The following PIBF1 variants were observed in gnomAD, a reference collection of about 807,000 sequenced individuals.
PIBF1 encodes the protein progesterone-induced-blocking factor 1.
A neutral mutation model predicts 112.5 loss-of-function variants in PIBF1; 90 were observed. The ratio of observed to expected loss-of-function variants is 0.80; its 90% CI spans 0.67 to 0.95. The LOEUF (loss-of-function observed/expected upper bound fraction) is 0.95, where lower values mean the gene tolerates loss of function less well. PIBF1 is among the 40% of genes least tolerant of loss of function. PIBF1 has a pLI of 0.00. For missense variants in PIBF1, 915 were observed against 852.3 expected (o/e 1.07, Z -0.92); for synonymous variants, 301 against 288.6 (o/e 1.04, Z -0.44).
intron 9 of PIBF1, among the ~76,000 whole-genome samples, chr13:72,847,971 G>T (rs1294634710): frequency 1.3e-5 from 2 of 152,160 alleles, no homozygotes; most frequent in Middle Eastern, 3.2e-3. Flanking sequence ...ATATAAAACA[G>T]CCTATTTTAA....
intron 5 of PIBF1, among the ~76,000 whole-genome samples, chr13:72,803,682 G>A (rs2035593824): frequency 6.6e-6 from 1 of 152,098 alleles, no homozygotes; most frequent in African/African-American, 2.4e-5. Flanking sequence ...AAAAAGTTGA[G>A]TTTCGATTTA....
chr13:72,961,254 A>G (rs2042597614), intron 14 of PIBF1, among the ~76,000 whole-genome samples: 1 of 151,982 alleles, frequency 6.6e-6, no homozygotes, highest in Non-Finnish European at 1.5e-5. Context: ...CAATGTTCTC[A>G]TTACTATCCT....
At chr13:72,931,718 G>GTATATATA (rs3077704) in intron 14 of PIBF1, among the ~76,000 whole-genome samples, 5,357 of 101,796 alleles carry the variant, frequency 0.053, 356 homozygotes, top group South Asian at 0.14. Context: ...TTTAAACTAC[G>GTATATATA]TATATATATA....
chr13:72,991,749 C>T (rs1345969403), intron 16 of PIBF1, among the ~76,000 whole-genome samples: 2 of 150,492 alleles, frequency 1.3e-5, no homozygotes, highest in Non-Finnish European at 3.0e-5. Flanking sequence ...GATGGAGTCT[C>T]GCTCTGTCGC....
At chr13:73,015,721 C>T (rs187646869) in intron 17 of PIBF1, 148 bp from the exon 18 acceptor site, 4 of 344,784 alleles carry the variant, frequency 1.2e-5, no homozygotes, top group African/African-American at 2.1e-5. Flanking sequence ...ACAAAGTCTT[C>T]GCCCTTAAGT....
intron 9 of PIBF1, among the ~76,000 whole-genome samples, chr13:72,845,836 C>T (rs957940404): frequency 8.6e-5 from 13 of 152,032 alleles, no homozygotes; most frequent in African/African-American, 2.9e-4. Flanking sequence ...ACTATCAAGC[C>T]TTTGGCACCC....
At chr13:72,883,951 C>G (rs2039744666) in intron 10 of PIBF1, among the ~76,000 whole-genome samples, 1 of 152,070 alleles carries the variant, frequency 6.6e-6, no homozygotes, top group South Asian at 2.1e-4. Context: ...CACATACATA[C>G]ATACATGCAT....
At chr13:72,993,745 C>CAAAA (rs34464067) in intron 16 of PIBF1, among the ~76,000 whole-genome samples, 1 of 98,870 alleles carries the variant, frequency 1.0e-5, no homozygotes, top group Admixed American at 1.2e-4. Flanking sequence ...GACTCCATTT[C>CAAAA]AAAAAAAAAA....
chr13:72,856,081 A>G (rs998863583), intron 10 of PIBF1, among the ~76,000 whole-genome samples: 4 of 152,106 alleles, frequency 2.6e-5, no homozygotes, highest in African/African-American at 9.7e-5. Context: ...TTCTTATCCT[A>G]CTTGTATGTA....
intron 5 of PIBF1, among the ~76,000 whole-genome samples, chr13:72,818,594 A>G (rs1404256248): frequency 6.7e-6 from 1 of 150,158 alleles, no homozygotes; most frequent in African/African-American, 2.4e-5. Context: ...CTTTAACAGA[A>G]TTTCCAATCC....
At chr13:72,795,765 T>C (rs2035162903) in intron 4 of PIBF1, among the ~76,000 whole-genome samples, 1 of 152,206 alleles carries the variant, frequency 6.6e-6, no homozygotes, top group East Asian at 1.9e-4. Context: ...AGTTAATGAC[T>C]GCATAGTCCA....
At chr13:72,871,107 G>A (rs113342358) in intron 10 of PIBF1, among the ~76,000 whole-genome samples, 7 of 152,158 alleles carry the variant, frequency 4.6e-5, no homozygotes, top group African/African-American at 1.4e-4. Flanking sequence ...TGGTGGCATA[G>A]ATAATAAAGA....
intron 10 of PIBF1, among the ~76,000 whole-genome samples, chr13:72,856,077 T>C (rs967900025): frequency 2.6e-5 from 4 of 152,178 alleles, no homozygotes; most frequent in Admixed American, 6.5e-5. Context: ...ATCCTTCTTA[T>C]CCTACTTGTA....
intron 5 of PIBF1, among the ~76,000 whole-genome samples, chr13:72,800,694 A>T (rs1443338220): frequency 3.3e-5 from 5 of 152,254 alleles, no homozygotes; most frequent in Non-Finnish European, 4.4e-5. Flanking sequence ...TAAACAAAAC[A>T]GTAATCCCTG....
intron 5 of PIBF1, among the ~76,000 whole-genome samples, chr13:72,810,945 C>T (rs1484976292): frequency 6.6e-6 from 1 of 152,000 alleles, no homozygotes; most frequent in Non-Finnish European, 1.5e-5. Flanking sequence ...CAAGCTCCGC[C>T]CCCCAGGTTC....
At chr13:73,013,830 C>G (rs1200157520) in intron 17 of PIBF1, among the ~76,000 whole-genome samples, 1 of 151,770 alleles carries the variant, frequency 6.6e-6, no homozygotes, top group African/African-American at 2.4e-5. Flanking sequence ...AGGATTACAT[C>G]TGACTTCTCA....
intron 5 of PIBF1, among the ~76,000 whole-genome samples, chr13:72,803,489 AGTAT>A (rs1162787258): frequency 6.6e-6 from 1 of 152,134 alleles, no homozygotes; most frequent in Admixed American, 6.5e-5. Flanking sequence ...TATTGCCAAT[AGTAT>A]GTGTTTCTGT....
chr13:72,961,939 T>A (rs1295165644), intron 14 of PIBF1, among the ~76,000 whole-genome samples: 1 of 152,106 alleles, frequency 6.6e-6, no homozygotes, highest in East Asian at 1.9e-4. Flanking sequence ...TAAATAGTCA[T>A]ACCCCTTAGC....
rs569587397 is a variant in PIBF1, at chr13:72,971,516, G to T, written c.1965-2075G>T. Among the ~76,000 whole-genome samples, 3 of 152,010 alleles carry T rather than the reference G, an allele frequency of 2.0e-5. No individual in the cohort carries two copies. The South Asian group carries it at 6.2e-4, about 32-fold the overall frequency. ...CCTCAGCTCTTGTGGGATCTCTGGC[G>T]CCTAACTCTAAAAGTCAGTTTGTTT... On this transcript the variant is annotated intron_variant, in intron 15 of 17. Coordinates refer to ENST00000326291, the MANE Select transcript of PIBF1 (RefSeq NM_006346.4).
Sources: allele counts gnomAD v4.1 joint callset (sites outside exome capture counted in the v4.1 genomes callset), GRCh38; gene constraint gnomAD v4.1.1; transcripts MANE v1.5; gene names NCBI Gene and HGNC (gene_info 2026-07-23, HGNC 2026-07-21).